The following CPEB4 variants were observed in gnomAD, a reference collection of about 807,000 sequenced individuals.
CPEB4 encodes cytoplasmic polyadenylation element binding protein 4, also known as cytoplasmic polyadenylation element-binding protein 4.
In CPEB4, 12 loss-of-function variants were observed where a neutral mutation model predicts 72.5. That is an observed-to-expected ratio of 0.17 (90% CI 0.11 to 0.27). The LOEUF (loss-of-function observed/expected upper bound fraction) is 0.27, where lower values mean the gene tolerates loss of function less well. Among genes scored for constraint, CPEB4 ranks in the 10% least tolerant of loss-of-function variants. The pLI is 1.00. For missense variants in CPEB4, 614 were observed against 908.5 expected, an observed-to-expected ratio of 0.68 and a Z score of 4.17; for synonymous variants, 302 against 326.3, an observed-to-expected ratio of 0.93 and a Z score of 0.80.
intron 1 of CPEB4, among the ~76,000 whole-genome samples, chr5:173,892,274 A>AATTTTTTTT (rs1554091389): frequency 1.7e-5 from 2 of 120,776 alleles, no homozygotes; most frequent in East Asian, 4.4e-4. Context: ...TCTAAAAACG[A>AATTTTTTTT]TTTTTTTTTT....
chr5:173,940,722 G>GT (rs1255246331), intron 3 of CPEB4, among the ~76,000 whole-genome samples: 1 of 152,000 alleles, frequency 6.6e-6, no homozygotes, highest in Non-Finnish European at 1.5e-5. Flanking sequence ...ACACATTCTC[G>GT]TTTTGCATGT....
chr5:173,926,455 A>C (rs1322319710), intron 2 of CPEB4, among the ~76,000 whole-genome samples: 1 of 152,228 alleles, frequency 6.6e-6, no homozygotes, highest in African/African-American at 2.4e-5. Flanking sequence ...GCAAATGCTT[A>C]GCATAGAATT....
intron 5 of CPEB4, among the ~76,000 whole-genome samples, chr5:173,948,158 A>G (rs1271509304): frequency 1.3e-5 from 2 of 152,236 alleles, no homozygotes; most frequent in African/African-American, 4.8e-5. Flanking sequence ...CTTCTACTGC[A>G]CAATACTAAC....
At position 173,950,169 on chromosome 5, in the gene CPEB4, G is replaced by A. The variant is rs1165983205; in HGVS notation, c.1665+91G>A. The A allele has an allele frequency of 2.8e-6, 2 of 714,270 alleles. No individual in the cohort carries two copies. Among genetic ancestry groups the A allele is most frequent in the African/African-American group, 3.7e-5 (2 of 54,446 alleles). The allele number at this position is 714,270 out of a possible 1,614,324, so 44.2% of individuals were successfully genotyped here. A position where few individuals can be genotyped will look rare whatever the true frequency, so the allele number is the denominator to read the frequency against. On this transcript the variant is annotated intron_variant, in intron 7 of 9. Coordinates refer to ENST00000265085, the MANE Select transcript of CPEB4 (RefSeq NM_030627.4). The surrounding 1 kb of genome is among the most constrained non-coding windows in gnomAD (Gnocchi z 5.0). The stretch of plus-strand genomic sequence containing the variant: ...ACCCATAGACAACTTGATGTGTTTG[G>A]GGTACTTAATTGACATGTTTGTAAG...
At chr5:173,890,926 T>C in intron 1 of CPEB4, 68 bp downstream of exon 1, 1 of 1,458,878 alleles carries the variant, frequency 6.9e-7, no homozygotes, top group South Asian at 1.4e-5. Flanking sequence ...TCTATGTAAC[T>C]AGAGTTTGAA....
chr5:173,898,021 A>G (rs1161902174), intron 1 of CPEB4, among the ~76,000 whole-genome samples: 1 of 152,216 alleles, frequency 6.6e-6, no homozygotes, highest in African/African-American at 2.4e-5. Flanking sequence ...AAATGGAATT[A>G]TTCAAGTTCA....
At chr5:173,919,974 T>C (rs1274022903) in intron 2 of CPEB4, among the ~76,000 whole-genome samples, 2 of 152,214 alleles carry the variant, frequency 1.3e-5, no homozygotes, top group Non-Finnish European at 2.9e-5. Flanking sequence ...GAAATTGTTC[T>C]TGCTTAGCCC....
chr5:173,927,399 G>A (rs769697651), intron 2 of CPEB4, among the ~76,000 whole-genome samples: 2 of 152,222 alleles, frequency 1.3e-5, no homozygotes, highest in Non-Finnish European at 1.5e-5. Context: ...AAAGAGGTAA[G>A]AAGGTTAGCC....
chr5:173,913,517 C>G (rs763813520), intron 2 of CPEB4, among the ~76,000 whole-genome samples: 2 of 152,144 alleles, frequency 1.3e-5, no homozygotes, highest in East Asian at 3.9e-4. Flanking sequence ...TATTCTGATA[C>G]GATTAACAAT....
At chr5:173,952,619 G>A (rs1758249905) in intron 8 of CPEB4, among the ~76,000 whole-genome samples, 1 of 152,106 alleles carries the variant, frequency 6.6e-6, no homozygotes, top group African/African-American at 2.4e-5. Flanking sequence ...CTGACTGTGG[G>A]GAAAGAGTTT....
chr5:173,898,167 A>G (rs1339909063), intron 1 of CPEB4, among the ~76,000 whole-genome samples: 2 of 152,168 alleles, frequency 1.3e-5, no homozygotes, highest in Non-Finnish European at 2.9e-5. Flanking sequence ...GTTCCTCAGT[A>G]TTATATATTT....
At chr5:173,915,491 A>G (rs1756835975) in intron 2 of CPEB4, among the ~76,000 whole-genome samples, 1 of 152,186 alleles carries the variant, frequency 6.6e-6, no homozygotes, top group South Asian at 2.1e-4. Flanking sequence ...TGCCTTCTCC[A>G]TAACCAACAC....
Position 173,949,572 on chromosome 5 carries a change from G to A in CPEB4, c.1521G>A (p.Glu507=). 1.9e-6 allele frequency: 3 copies of A among 1,612,684 alleles called. No individual in the cohort carries two copies. The highest frequency in any genetic ancestry group is 2.5e-6 in the Non-Finnish European group (3 of 1,179,030). ...PLIVDWPHKA[E]SKSYFPPKGY... ...TTGTGGATTGGCCTCATAAAGCTGA[G>A]AGCAAATCCTATTTTCCTCCTAAAG... Residue 507 remains glutamate, a synonymous_variant, in exon 6 of 10, where the codon GAG becomes GAA. Coordinates refer to ENST00000265085, the MANE Select transcript of CPEB4 (RefSeq NM_030627.4).
intron 1 of CPEB4, among the ~76,000 whole-genome samples, chr5:173,895,491 T>C (rs532404610): frequency 6.6e-6 from 1 of 152,336 alleles, no homozygotes; most frequent in South Asian, 2.1e-4. Context: ...ATCCTCAAAA[T>C]TATATACTGC....
chr5:173,900,513 G>A lies in CPEB4; in HGVS notation c.1125+9655G>A, dbSNP rs569031365. Reference sequence around the variant, plus strand: ...ACAGGAACTCTAACAGCCAGTTGAGGTCTAAATAACTTCATTCCTCAAGGC... The same window carrying A: ...ACAGGAACTCTAACAGCCAGTTGAGATCTAAATAACTTCATTCCTCAAGGC... On this transcript the variant is annotated intron_variant, in intron 1 of 9. Transcript: ENST00000265085. This position sits in a 1 kb window ranked among gnomAD's most constrained non-coding sequence, Gnocchi z 4.4. Among the ~76,000 whole-genome samples the A allele has an allele frequency of 7.9e-5, 12 of 152,284 alleles. 1 individual carries two copies. In the South Asian group the frequency reaches 2.1e-3, roughly 26 times the overall value.
intron 3 of CPEB4, among the ~76,000 whole-genome samples, chr5:173,937,118 C>G (rs979473234): frequency 6.7e-6 from 1 of 148,400 alleles, no homozygotes; most frequent in Non-Finnish European, 1.5e-5. Context: ...TCTCGGCTCA[C>G]TGTAGCCTCC....
In CPEB4 at chr5:173,914,377, G is replaced by A. The variant is rs537984683; in HGVS notation, c.1207+3773G>A. Among the ~76,000 whole-genome samples the A allele has an allele frequency of 1.8e-4, 27 of 152,116 alleles. 1 individual carries two copies. The South Asian group carries it at 5.2e-3, about 29-fold the overall frequency. On this transcript the variant is annotated intron_variant, in intron 2 of 9. Coordinates refer to ENST00000265085, the MANE Select transcript of CPEB4 (RefSeq NM_030627.4). ...AAAAACACATTGTCATTTTGAAATA[G>A]GTATCTAACACCTACCAATTCATTT...
chr5:173,890,854 T>G lies in CPEB4; in HGVS notation c.1121T>G (p.Phe374Cys). The G allele has an allele frequency of 2.5e-6, 4 of 1,605,846 alleles. No homozygotes were observed. Among genetic ancestry groups the G allele is most frequent in the Non-Finnish European group, 3.4e-6 (4 of 1,175,672 alleles). ...SLNRADNIFP[F>C]PDRPRTFDMH... is the part of the protein sequence containing the mutation. ...AACAGGGCTGACAACATTTTTCCTT[T>G]TCCGGTAAGATTATGTTCCATTAAT... Residue 374 changes from phenylalanine (F) to cysteine (C), a missense_variant, in exon 1 of 10, where the codon TTT becomes TGT. This residue lies in a region of CPEB4 where 458 missense variants were observed against 548.6 expected (regional missense o/e 0.83). Coordinates refer to ENST00000265085, the MANE Select transcript of CPEB4 (RefSeq NM_030627.4).
intron 6 of CPEB4, 22 bp from the exon 7 acceptor site, chr5:173,949,938 C>T: frequency 1.3e-6 from 2 of 1,510,520 alleles, no homozygotes; most frequent in South Asian, 1.2e-5. Context: ...ACATGTAAGC[C>T]TTCTTTCCCC....
Sources: gnomAD v4.1 joint callset for allele counts (sites outside exome capture counted in the v4.1 genomes callset) on GRCh38, gnomAD v4.1.1 for gene constraint, gnomAD v4.1.1 regional missense constraint, Gnocchi (gnomAD v3.1) non-coding constraint, MANE v1.5 for transcripts, NCBI Gene and HGNC (gene_info 2026-07-23, HGNC 2026-07-21) for gene names.